ALG6: variants seen among roughly 807,000 people sequenced by gnomAD.
The protein encoded by ALG6 is ALG6 alpha-1,3-glucosyltransferase.
A neutral mutation model predicts 66.6 loss-of-function variants in ALG6; 46 were observed. The ratio of observed to expected loss-of-function variants is 0.69; its 90% CI spans 0.55 to 0.88. The LOEUF is 0.88. ALG6 is among the 40% of genes least tolerant of loss of function. The pLI is 0.00. For missense variants in ALG6, 505 were observed against 586.8 expected (o/e 0.86, Z 1.44); for synonymous variants, 185 against 203.7 (o/e 0.91, Z 0.78).
rs1644638993 is a variant in ALG6, at chr1:63,430,258, A to G, written c.1326+1132A>G. On this transcript the variant is annotated intron_variant, in intron 14 of 14. Coordinates refer to ENST00000263440, the MANE Select transcript of ALG6 (RefSeq NM_013339.4). ...CCTTTTTATTACCAAATTATATTCC[A>G]TTATATGGATATACCACATTTTGTT... 2.0e-5 allele frequency among the ~76,000 whole-genome samples: 3 copies of G among 152,292 alleles called. No individual in the cohort carries two copies. The South Asian group carries it at 6.2e-4, about 32-fold the overall frequency.
rs368314781 is a variant in ALG6 at position 63,437,005 on chromosome 1, G to C, written c.1509G>C (p.Gln503His). Reference sequence around the variant, plus strand: ...GGGATTCCAAAAGTGGAAGAAATCAGAAGAAAATCAGCTAGCTGTATTCCT... The same window carrying C: ...GGGATTCCAAAAGTGGAAGAAATCACAAGAAAATCAGCTAGCTGTATTCCT... ...IMWDSKSGRN[Q>H]KKIS The change falls in exon 15 of 15, where the codon CAG becomes CAC. Residue 503 changes from glutamine (Q) to histidine (H), a missense_variant. Coordinates refer to ENST00000263440, the MANE Select transcript of ALG6 (RefSeq NM_013339.4). 2 of 1,612,784 alleles carry C rather than the reference G, an allele frequency of 1.2e-6. No homozygotes were observed. The highest frequency in any genetic ancestry group is 1.7e-6 in the Non-Finnish European group (2 of 1,179,276).
At chr1:63,379,453 C>G (rs562777879) in intron 2 of ALG6, among the ~76,000 whole-genome samples, 1 of 152,042 alleles carries the variant, frequency 6.6e-6, no homozygotes, top group African/African-American at 2.4e-5. Context: ...CACTATCTCC[C>G]TAAAGGCATT....
intron 2 of ALG6, among the ~76,000 whole-genome samples, chr1:63,395,099 C>T (rs1339855238): frequency 6.6e-6 from 1 of 151,864 alleles, no homozygotes; most frequent in African/African-American, 2.4e-5. Context: ...CTCCTGACCT[C>T]GTGATCTGCT....
intron 12 of ALG6, among the ~76,000 whole-genome samples, chr1:63,424,248 C>T (rs1002173920): frequency 2.6e-5 from 4 of 152,178 alleles, no homozygotes; most frequent in African/African-American, 4.8e-5. Flanking sequence ...TCAAGTGATT[C>T]TCCTGCCTCA....
chr1:63,368,785 A>G (rs1647813452), intron 1 of ALG6, among the ~76,000 whole-genome samples: 1 of 152,076 alleles, frequency 6.6e-6, no homozygotes, highest in South Asian at 2.1e-4. Context: ...ACAGGGGTGA[A>G]CCACTGCGCC....
In ALG6 at chr1:63,409,290, A is replaced by G. The variant is rs1644505237; in HGVS notation, c.495-1856A>G. Among the ~76,000 whole-genome samples, 5 of 152,176 alleles carry G rather than the reference A, an allele frequency of 3.3e-5. No individual in the cohort carries two copies. The South Asian group carries it at 1.0e-3, about 31-fold the overall frequency. ...TTTATTTTTGTGGTTCTGAAATTTT[A>G]CAGTGATTTGTTTAGACATAGGTGT... On this transcript the variant is annotated intron_variant, in intron 7 of 14. Transcript: ENST00000263440.
At chr1:63,409,429 T>G (rs998124192) in intron 7 of ALG6, among the ~76,000 whole-genome samples, 3 of 152,196 alleles carry the variant, frequency 2.0e-5, no homozygotes, top group Non-Finnish European at 4.4e-5. Context: ...ATTTTCTCAC[T>G]TTTTTCTTTC....
chr1:63,379,649 C>T (rs987503736), intron 2 of ALG6, among the ~76,000 whole-genome samples: 4 of 151,472 alleles, frequency 2.6e-5, no homozygotes, highest in African/African-American at 9.7e-5. Flanking sequence ...GTTTCTGGGG[C>T]CTCTAAGGAA....
intron 11 of ALG6, among the ~76,000 whole-genome samples, chr1:63,418,790 A>C (rs2100427439): frequency 1.3e-5 from 2 of 152,300 alleles, no homozygotes; most frequent in East Asian, 3.9e-4. Flanking sequence ...GGTGCTGTAG[A>C]TAGCATTTGC....
chr1:63,432,623 C>T (rs550173959), intron 14 of ALG6, among the ~76,000 whole-genome samples: 10 of 152,230 alleles, frequency 6.6e-5, no homozygotes, highest in African/African-American at 2.4e-4. Context: ...AATAGGTGCT[C>T]TGATTTTTGT....
chr1:63,368,183 G>T (rs1038994142), intron 1 of ALG6, among the ~76,000 whole-genome samples: 2 of 152,204 alleles, frequency 1.3e-5, no homozygotes, highest in Non-Finnish European at 2.9e-5. Flanking sequence ...TTCGTGGCCA[G>T]TGGATGGGTT....
intron 9 of ALG6, 55 bp from the exon 10 acceptor site, chr1:63,414,005 GT>G: frequency 7.3e-7 from 1 of 1,367,596 alleles, no homozygotes; most frequent in Non-Finnish European, 1.0e-6. Context: ...TACTTCATGG[GT>G]TTTAATATTT....
At chr1:63,414,244 GTTTTTC>G (rs1024109656) in intron 10 of ALG6, 98 bp downstream of exon 10, 3 of 858,990 alleles carry the variant, frequency 3.5e-6, no homozygotes, top group Admixed American at 5.0e-5. Context: ...GGAATGAGGT[GTTTTTC>G]TTTTCTTTTT....
rs146876211 is a variant in ALG6 at position 63,417,201 on chromosome 1, T to C, written c.987+1244T>C. 1.1e-4 allele frequency among the ~76,000 whole-genome samples: 16 copies of C among 152,348 alleles called. No homozygotes were observed. The East Asian group carries it at 2.7e-3, about 26-fold the overall frequency. ...TAATGCTCTGATGTCTTCACTAGGC[T>C]TAACCTGAAATATCTTCCAAGCTTG... is the stretch of plus-strand genomic sequence containing the variant. On this transcript the variant is annotated intron_variant, in intron 11 of 14. Coordinates refer to ENST00000263440, the MANE Select transcript of ALG6 (RefSeq NM_013339.4).
At chr1:63,374,791 A>G (rs1409670901) in intron 2 of ALG6, among the ~76,000 whole-genome samples, 1 of 152,216 alleles carries the variant, frequency 6.6e-6, no homozygotes, top group African/African-American at 2.4e-5. Context: ...TATGCAGGAA[A>G]AATAGGTCTT....
Position 63,433,672 on chromosome 1 carries a change from C to T in ALG6, c.1327-3151C>T, listed in dbSNP as rs1316670664. On this transcript the variant is annotated intron_variant, in intron 14 of 14. Transcript: ENST00000263440. The surrounding 1 kb of genome is among the most constrained non-coding windows in gnomAD (Gnocchi z 4.2). ...ATCTTAAGGTGAGGACCGCTATGGG[C>T]TCCCAGATTTATTTGTTCTTTAATA... 6.6e-6 allele frequency among the ~76,000 whole-genome samples: 1 copy of T among 152,168 alleles called. No homozygotes were observed. Among genetic ancestry groups the T allele is most frequent in the African/African-American group, 2.4e-5 (1 of 41,426 alleles).
intron 3 of ALG6, among the ~76,000 whole-genome samples, chr1:63,398,336 A>G (rs528692483): frequency 1.3e-5 from 2 of 152,362 alleles, no homozygotes; most frequent in Non-Finnish European, 2.9e-5. Context: ...GTAGATTCCT[A>G]GAAGTGGAAG....
intron 2 of ALG6, among the ~76,000 whole-genome samples, chr1:63,386,155 G>A (rs1411277635): frequency 6.6e-6 from 1 of 152,098 alleles, no homozygotes; most frequent in African/African-American, 2.4e-5. Context: ...TTGCATCCGT[G>A]GGATTTATCT....
intron 6 of ALG6, 146 bp downstream of exon 6, chr1:63,406,545 C>T (rs1644490629): frequency 2.7e-6 from 2 of 733,714 alleles, no homozygotes; most frequent in Admixed American, 2.3e-5. Context: ...ACTTCAAAAG[C>T]ATCAACTTAT....
Sources: allele counts gnomAD v4.1 joint callset (sites outside exome capture counted in the v4.1 genomes callset), GRCh38; gene constraint gnomAD v4.1.1; non-coding constraint Gnocchi (gnomAD v3.1); transcripts MANE v1.5; gene names NCBI Gene and HGNC (gene_info 2026-07-23, HGNC 2026-07-21).